KCNQ5: variants seen among roughly 807,000 people sequenced by gnomAD.
KCNQ5 encodes the protein potassium voltage-gated channel subfamily KQT member 5.
KCNQ5 carries 30 observed loss-of-function variants against 98.2 expected under a neutral mutation model. That is an observed-to-expected ratio of 0.31 (90% CI 0.23 to 0.41). The LOEUF (loss-of-function observed/expected upper bound fraction) is 0.41, where lower values mean the gene tolerates loss of function less well. KCNQ5 is among the 10% of genes least tolerant of loss of function. KCNQ5 has a pLI of 1.00. For synonymous variants in KCNQ5, 458 were observed against 449.4 expected, an observed-to-expected ratio of 1.02 and a Z score of -0.24; for missense variants, 835 against 1,182.5, an observed-to-expected ratio of 0.71 and a Z score of 4.31.
chr6:72,962,808 C>T (rs1767438418), intron 1 of KCNQ5, among the ~76,000 whole-genome samples: 2 of 152,120 alleles, frequency 1.3e-5, no homozygotes, highest in Non-Finnish European at 2.9e-5. Context: ...TTCTCAAGGC[C>T]ACACACTGTC....
intron 1 of KCNQ5, among the ~76,000 whole-genome samples, chr6:72,775,549 T>C (rs558144233): frequency 6.6e-6 from 1 of 152,132 alleles, no homozygotes; most frequent in Non-Finnish European, 1.5e-5. Flanking sequence ...AGGCTGCACA[T>C]AATGACTTCC....
chr6:73,055,936 T>C (rs1208713321), intron 3 of KCNQ5: 2 of 445,246 alleles, frequency 4.5e-6, no homozygotes, highest in Non-Finnish European at 8.7e-6. Context: ...TGACCACATC[T>C]ATAGACATCT....
At chr6:72,785,822 A>C (rs1317638029) in intron 1 of KCNQ5, among the ~76,000 whole-genome samples, 1 of 152,070 alleles carries the variant, frequency 6.6e-6, no homozygotes, top group Non-Finnish European at 1.5e-5. Context: ...AGTCTATTGT[A>C]CCTCCTGGGT....
At chr6:73,192,118 A>G (rs1765610350) in intron 12 of KCNQ5, among the ~76,000 whole-genome samples, 1 of 152,192 alleles carries the variant, frequency 6.6e-6, no homozygotes, top group Non-Finnish European at 1.5e-5. Flanking sequence ...TAGCTCATGT[A>G]TCTTCTCCAA....
chr6:72,779,119 C>G (rs561350596), intron 1 of KCNQ5, among the ~76,000 whole-genome samples: 1 of 152,202 alleles, frequency 6.6e-6, no homozygotes, highest in African/African-American at 2.4e-5. Flanking sequence ...GGAGCAGAGC[C>G]GTGGGAGACT....
At chr6:72,705,596 T>TGTTG (rs769581301) in intron 1 of KCNQ5, among the ~76,000 whole-genome samples, 19,577 of 92,040 alleles carry the variant, frequency 0.21, 1,324 homozygotes, top group South Asian at 0.32. Flanking sequence ...TTTTGTTTTT[T>TGTTG]TTTTTGTTGT....
chr6:72,783,754 G>T (rs1354901963), intron 1 of KCNQ5, among the ~76,000 whole-genome samples: 1 of 152,316 alleles, frequency 6.6e-6, no homozygotes, highest in East Asian at 1.9e-4. Flanking sequence ...TAAACAGCTT[G>T]AGGGGAAAAA....
intron 1 of KCNQ5, among the ~76,000 whole-genome samples, chr6:72,828,435 C>T (rs1025073657): frequency 1.3e-5 from 2 of 151,998 alleles, no homozygotes; most frequent in Non-Finnish European, 2.9e-5. Flanking sequence ...TTATAGAGGA[C>T]TTTCACCTTC....
intron 7 of KCNQ5, among the ~76,000 whole-genome samples, chr6:73,115,090 G>T (rs2150432242): frequency 6.6e-6 from 1 of 151,924 alleles, no homozygotes; most frequent in South Asian, 2.1e-4. Flanking sequence ...GATTGCTTGA[G>T]TTCAAGATCA....
intron 1 of KCNQ5, among the ~76,000 whole-genome samples, chr6:72,654,623 G>A (rs1048502735): frequency 1.3e-5 from 2 of 152,058 alleles, no homozygotes; most frequent in Admixed American, 6.6e-5. Context: ...AGTGCTGCAC[G>A]AGGGGAGAAG....
chr6:72,891,935 A>G lies in KCNQ5; in HGVS notation c.399-111973A>G, dbSNP rs544834215. ...ATCTTGGATTATAGTAATTATTGCTATGTTAACAACACTGTGAATACTACA... is the reference window on the plus strand; with the variant it reads ...ATCTTGGATTATAGTAATTATTGCTGTGTTAACAACACTGTGAATACTACA... On this transcript the variant is annotated intron_variant, in intron 1 of 13. Transcript: ENST00000370398. 1.2e-4 allele frequency among the ~76,000 whole-genome samples: 19 copies of G among 152,278 alleles called. No individual in the cohort carries two copies. The South Asian group carries it at 3.3e-3, about 27-fold the overall frequency.
intron 1 of KCNQ5, among the ~76,000 whole-genome samples, chr6:72,902,487 A>G (rs1398529660): frequency 6.6e-6 from 1 of 152,188 alleles, no homozygotes; most frequent in Non-Finnish European, 1.5e-5. Context: ...TTTGTCATAC[A>G]TGACTTTTAT....
intron 1 of KCNQ5, among the ~76,000 whole-genome samples, chr6:72,984,957 A>G (rs191203750): frequency 5.5e-4 from 84 of 151,962 alleles, no homozygotes; most frequent in African/African-American, 1.8e-3. Flanking sequence ...CTGTAACCCC[A>G]GCACTTTGTG....
At chr6:72,801,135 A>G (rs948316431) in intron 1 of KCNQ5, among the ~76,000 whole-genome samples, 1 of 151,992 alleles carries the variant, frequency 6.6e-6, no homozygotes, top group African/African-American at 2.4e-5. Context: ...GGAGATGTCT[A>G]TTAGGTCCGC....
intron 1 of KCNQ5, among the ~76,000 whole-genome samples, chr6:72,936,982 T>G (rs1765952772): frequency 6.6e-6 from 1 of 152,222 alleles, no homozygotes; most frequent in African/African-American, 2.4e-5. Flanking sequence ...GAGATAGAAC[T>G]GCGGCTGTAA....
chr6:72,719,040 A>G (rs376050827), intron 1 of KCNQ5, among the ~76,000 whole-genome samples: 1 of 152,200 alleles, frequency 6.6e-6, no homozygotes, highest in Admixed American at 6.5e-5. Flanking sequence ...TCTTCATTCA[A>G]TAACTGTTTA....
chr6:73,083,124 G>T (rs1471931098), intron 5 of KCNQ5, among the ~76,000 whole-genome samples: 3 of 151,946 alleles, frequency 2.0e-5, no homozygotes, highest in Admixed American at 2.0e-4. Flanking sequence ...AAACTCCTAG[G>T]TTCAAGCAAT....
At chr6:72,867,706 G>A (rs1193004343) in intron 1 of KCNQ5, among the ~76,000 whole-genome samples, 2 of 151,978 alleles carry the variant, frequency 1.3e-5, no homozygotes, top group Non-Finnish European at 2.9e-5. Context: ...GGGAGGCTGA[G>A]GTGGGAGGGT....
chr6:73,057,905 C>A (rs1053212674), intron 3 of KCNQ5, among the ~76,000 whole-genome samples: 1 of 152,112 alleles, frequency 6.6e-6, no homozygotes, highest in Non-Finnish European at 1.5e-5. Flanking sequence ...AACACATAGA[C>A]CAATGGAACA....
Sources: gnomAD v4.1 joint callset for allele counts (sites outside exome capture counted in the v4.1 genomes callset) on GRCh38, gnomAD v4.1.1 for gene constraint, MANE v1.5 for transcripts, NCBI Gene and HGNC (gene_info 2026-07-23, HGNC 2026-07-21) for gene names.